CLCA1: variants seen among roughly 807,000 people sequenced by gnomAD.
The protein encoded by CLCA1 is chloride channel accessory 1, also known as calcium-activated chloride channel regulator 1.
CLCA1 carries 59 observed loss-of-function variants against 85.6 expected under a neutral mutation model. The observed-to-expected ratio is 0.69, with a 90% confidence interval of 0.56 to 0.86. CLCA1 has a LOEUF of 0.86. Ranked by LOEUF, CLCA1 falls within the 40% of genes least tolerant of loss-of-function variation. The pLI is 0.00. For synonymous variants in CLCA1, 396 were observed against 398.3 expected (o/e 0.99, Z 0.07); for missense variants, 1,022 against 1,101.4 (o/e 0.93, Z 1.02).
At position 86,476,512 on chromosome 1, in the gene CLCA1, T is replaced by A; in HGVS notation, c.516T>A (p.Asp172Glu). 6.2e-7 allele frequency: 1 copy of A among 1,600,294 alleles called. No individual in the cohort carries two copies. The highest frequency in any genetic ancestry group is 1.3e-5 in the African/African-American group (1 of 74,770). The change falls in exon 4 of 14, where the codon GAT (aspartate) becomes GAA (glutamate). Residue 172 changes from aspartate (D) to glutamate (E), a missense_variant. Physicochemically the swap from Asp to Glu is conservative, Grantham distance 45 (BLOSUM62 2). Coordinates refer to ENST00000394711, the MANE Select transcript of CLCA1 (RefSeq NM_001285.4). ...RWGVFDEYNN[D>E]EKFYLSNGRI... ...GAGTATTTGACGAGTACAATAATGA[T>A]GAGAAATTCTACTTATCCAATGGAA...
At chr1:86,477,900 C>T (rs1007962195) in intron 4 of CLCA1, among the ~76,000 whole-genome samples, 2 of 152,208 alleles carry the variant, frequency 1.3e-5, no homozygotes. Context: ...ATGTCTGCTT[C>T]CGGTCTTGCT....
At chr1:86,486,498 C>G in intron 6 of CLCA1, 28 bp from the exon 7 acceptor site, 1 of 1,601,298 alleles carries the variant, frequency 6.2e-7, no homozygotes, top group Admixed American at 1.7e-5. Context: ...CTAAACGTAA[C>G]CTGTTTTTCT....
At chr1:86,489,610 T>A (rs1175304052) in intron 8 of CLCA1, among the ~76,000 whole-genome samples, 1 of 152,186 alleles carries the variant, frequency 6.6e-6, no homozygotes, top group Non-Finnish European at 1.5e-5. Context: ...ACAGGAGAAG[T>A]AGCAGGGAAG....
chr1:86,491,505 A>T, intron 9 of CLCA1, 134 bp downstream of exon 9: 1 of 563,504 alleles, frequency 1.8e-6, no homozygotes, highest in East Asian at 2.8e-5. Context: ...GTCCAGCTTG[A>T]TATTAAACAT....
Position 86,480,234 on chromosome 1 carries a change from T to C in CLCA1, c.558-1971T>C, listed in dbSNP as rs5744344. 8.4e-3 allele frequency among the ~76,000 whole-genome samples: 1,274 copies of C among 151,452 alleles called. 10 individuals carry two copies. The highest frequency in any genetic ancestry group is 0.029 in the African/African-American group (1,192 of 41,256). ...TGTTGCACACAAACCAAACATAAAC[T>C]AAATAAAAAGGAAAAAACAGAAAAA... On this transcript the variant is annotated intron_variant, in intron 4 of 13. Coordinates refer to ENST00000394711, the MANE Select transcript of CLCA1 (RefSeq NM_001285.4).
intron 4 of CLCA1, 62 bp downstream of exon 4, chr1:86,476,615 A>G: frequency 1.3e-6 from 1 of 762,914 alleles, no homozygotes; most frequent in Non-Finnish European, 2.2e-6. Context: ...TTTTTCTTGA[A>G]TTGATTACTT....
intron 5 of CLCA1, 29 bp downstream of exon 5, chr1:86,482,411 C>A (rs1647844270): frequency 6.3e-7 from 1 of 1,595,298 alleles, no homozygotes; most frequent in South Asian, 1.1e-5. Flanking sequence ...CCCCCTCCCC[C>A]AGATTCTTAT....
In CLCA1 at chr1:86,494,372, C is replaced by T; in HGVS notation, c.1866C>T (p.Leu622=). ...ANIRQGASPI[L]RASVTALIES... is the part of the protein sequence containing the mutation. ...TTCGCCAAGGAGCCTCCCCAATTCTCAGGGCCAGTGTCACAGCCCTGATTG... is the reference window on the plus strand; with the variant it reads ...TTCGCCAAGGAGCCTCCCCAATTCTTAGGGCCAGTGTCACAGCCCTGATTG... Residue 622 remains leucine (L), a synonymous_variant, in exon 11 of 14, where the codon CTC becomes CTT. Coordinates refer to ENST00000394711, the MANE Select transcript of CLCA1 (RefSeq NM_001285.4). 2 of 1,614,200 alleles carry T rather than the reference C, an allele frequency of 1.2e-6. No individual in the cohort carries two copies. The highest frequency in any genetic ancestry group is 1.7e-6 in the Non-Finnish European group (2 of 1,180,012).
chr1:86,490,193 C>T (rs1251498338), intron 8 of CLCA1, among the ~76,000 whole-genome samples: 1 of 152,262 alleles, frequency 6.6e-6, no homozygotes, highest in East Asian at 1.9e-4. Context: ...TGTTATTTCT[C>T]TAGGTAGGGT....
intron 12 of CLCA1, among the ~76,000 whole-genome samples, chr1:86,498,155 A>G (rs867405440): frequency 3.2e-5 from 4 of 125,950 alleles, no homozygotes; most frequent in Admixed American, 8.5e-5. Flanking sequence ...AAAAACAAAG[A>G]AAGGAAGGAA....
chr1:86,476,604 T>G (rs1647644176), intron 4 of CLCA1, 51 bp downstream of exon 4: 1 of 889,492 alleles, frequency 1.1e-6, no homozygotes, highest in Non-Finnish European at 1.8e-6. Context: ...ATTGCAACCT[T>G]TTTTTCTTGA....
At chr1:86,485,263 G>A (rs529216045) in intron 5 of CLCA1, 80 bp from the exon 6 acceptor site, 14 of 1,092,986 alleles carry the variant, frequency 1.3e-5, no homozygotes, top group Non-Finnish European at 1.9e-5. Flanking sequence ...TGCATTAGCA[G>A]AGCAGACAGG....
At chr1:86,474,080 A>G (rs555343617) in intron 3 of CLCA1, among the ~76,000 whole-genome samples, 5 of 152,342 alleles carry the variant, frequency 3.3e-5, no homozygotes, top group Admixed American at 3.3e-4. Flanking sequence ...TTTACTTTAG[A>G]TACATGTATA....
chr1:86,498,479 G>A, intron 12 of CLCA1, 93 bp from the exon 13 acceptor site: 2 of 1,267,546 alleles, frequency 1.6e-6, no homozygotes, highest in Non-Finnish European at 2.2e-6. Context: ...CAGAAGTGGG[G>A]AACAGGAAGA....
chr1:86,474,998 C>T (rs1007568406), intron 3 of CLCA1, among the ~76,000 whole-genome samples: 2 of 152,018 alleles, frequency 1.3e-5, no homozygotes, highest in East Asian at 1.9e-4. Context: ...CACACTAGAG[C>T]GCTTAAAGAC....
rs1016442676 is a variant in CLCA1, at chr1:86,500,102, A to G, written c.*57A>G. 1.3e-5 allele frequency: 16 copies of G among 1,203,728 alleles called. No homozygotes were observed. In the African/African-American group the frequency reaches 2.2e-4, roughly 16 times the overall value. 74.6% of individuals were successfully genotyped at this position (1,203,728 alleles called of 1,614,324 possible). A position where few individuals can be genotyped will look rare whatever the true frequency, so the allele number is the denominator to read the frequency against. ...TCATTCATCCTTTTTTTTGATTATAAAATTTTCTAAAATGTATTTTAGACT... is the reference window on the plus strand; with the variant it reads ...TCATTCATCCTTTTTTTTGATTATAGAATTTTCTAAAATGTATTTTAGACT... On this transcript the variant is annotated 3_prime_UTR_variant, in exon 14 of 14. Coordinates refer to ENST00000394711, the MANE Select transcript of CLCA1 (RefSeq NM_001285.4).
At chr1:86,495,191 T>A (rs1648244868) in intron 11 of CLCA1, among the ~76,000 whole-genome samples, 1 of 152,226 alleles carries the variant, frequency 6.6e-6, no homozygotes, top group Non-Finnish European at 1.5e-5. Context: ...CACATTTGCA[T>A]ATAGCAGTTT....
At chr1:86,482,122 G>A in intron 4 of CLCA1, 83 bp from the exon 5 acceptor site, 2 of 983,552 alleles carry the variant, frequency 2.0e-6, no homozygotes, top group Non-Finnish European at 3.0e-6. Flanking sequence ...TCACAGAAAG[G>A]CAATCTGTCA....
intron 4 of CLCA1, among the ~76,000 whole-genome samples, chr1:86,481,331 G>A (rs1344042596): frequency 6.6e-6 from 1 of 151,640 alleles, no homozygotes; most frequent in Non-Finnish European, 1.5e-5. Flanking sequence ...GTAGAGTTGG[G>A]TTTCGCCATG....
Sources: allele counts gnomAD v4.1 joint callset (sites outside exome capture counted in the v4.1 genomes callset), GRCh38; gene constraint gnomAD v4.1.1; transcripts MANE v1.5; gene names NCBI Gene and HGNC (gene_info 2026-07-23, HGNC 2026-07-21).